Variants in CSMD2 observed in about 807,000 individuals in gnomAD.
CSMD2 encodes CUB and sushi domain-containing protein 2.
CSMD2 carries 130 observed loss-of-function variants against 398.5 expected under a neutral mutation model. The observed-to-expected ratio is 0.33, with a 90% confidence interval of 0.28 to 0.38. The LOEUF (loss-of-function observed/expected upper bound fraction) is 0.38. CSMD2 is among the 10% of genes least tolerant of loss of function. The pLI is 1.00. For synonymous variants in CSMD2, 1,828 were observed against 1,908.5 expected (o/e 0.96, Z 1.10); for missense variants, 3,829 against 4,764.9 (o/e 0.80, Z 5.78).
chr1:34,062,432 T>C (rs1417487230), intron 2 of CSMD2, among the ~76,000 whole-genome samples: 2 of 152,200 alleles, frequency 1.3e-5, no homozygotes, highest in Non-Finnish European at 2.9e-5. Context: ...TGTGGATGCC[T>C]TAAAACAGAC....
intron 1 of CSMD2, among the ~76,000 whole-genome samples, chr1:34,150,012 C>T (rs1270701089): frequency 6.6e-6 from 1 of 152,076 alleles, no homozygotes; most frequent in Non-Finnish European, 1.5e-5. Context: ...GATCCCTGCA[C>T]CCTGCTCTCA....
At chr1:33,919,545 T>TG (rs1438797485) in intron 4 of CSMD2, among the ~76,000 whole-genome samples, 1 of 152,224 alleles carries the variant, frequency 6.6e-6, no homozygotes, top group African/African-American at 2.4e-5. Context: ...AAATGTAAGA[T>TG]ATACACCTAC....
intron 19 of CSMD2, among the ~76,000 whole-genome samples, chr1:33,717,202 G>A (rs1646202050): frequency 1.3e-5 from 2 of 152,056 alleles, no homozygotes; most frequent in Non-Finnish European, 2.9e-5. Flanking sequence ...GGTAGACGGG[G>A]GCCAGACCCA....
At chr1:33,517,506 A>T (rs1653872166) in intron 70 of CSMD2, among the ~76,000 whole-genome samples, 1 of 152,172 alleles carries the variant, frequency 6.6e-6, no homozygotes, top group South Asian at 2.1e-4. Flanking sequence ...TTCATCACTG[A>T]TCATCTCCAA....
chr1:33,860,149 A>G (rs1639383257), intron 5 of CSMD2, among the ~76,000 whole-genome samples: 1 of 152,130 alleles, frequency 6.6e-6, no homozygotes. Flanking sequence ...GATTTCCACC[A>G]GTGGCCCACT....
rs554471614 is a variant in CSMD2, at chr1:33,806,183, C to T, written c.1446+4560G>A. On this transcript the variant is annotated intron_variant, in intron 10 of 70. Coordinates refer to ENST00000373381, the MANE Select transcript of CSMD2 (RefSeq NM_001281956.2). Reference sequence around the variant, plus strand: ...AGTGTGAAGGTGAATTAGAAATGAGCCTATCTCCTTCTCACCTGTCACTAC... The same window carrying T: ...AGTGTGAAGGTGAATTAGAAATGAGTCTATCTCCTTCTCACCTGTCACTAC... Among the ~76,000 whole-genome samples the T allele has an allele frequency of 3.9e-5, 6 of 152,280 alleles. No homozygotes were observed. In the South Asian group the frequency reaches 1.2e-3, roughly 32 times the overall value.
intron 3 of CSMD2, among the ~76,000 whole-genome samples, chr1:33,971,349 A>C (rs1031402883): frequency 5.9e-5 from 9 of 152,202 alleles, no homozygotes; most frequent in Non-Finnish European, 1.0e-4. Flanking sequence ...ATGGAAATGC[A>C]TGCCCGCGAC....
At chr1:33,832,971 T>C (rs1000704981) in intron 6 of CSMD2, among the ~76,000 whole-genome samples, 5 of 151,544 alleles carry the variant, frequency 3.3e-5, no homozygotes, top group African/African-American at 1.2e-4. Flanking sequence ...AATCTCTGAA[T>C]AGACCAATAA....
At chr1:34,029,332 C>T (rs935237230) in intron 3 of CSMD2, among the ~76,000 whole-genome samples, 2 of 152,182 alleles carry the variant, frequency 1.3e-5, no homozygotes, top group South Asian at 2.1e-4. Context: ...CTCCACCCCA[C>T]AATGAGGCTC....
At chr1:33,522,664 C>T (rs972655251) in intron 67 of CSMD2, among the ~76,000 whole-genome samples, 3 of 152,184 alleles carry the variant, frequency 2.0e-5, no homozygotes, top group Non-Finnish European at 4.4e-5. Context: ...CATGACCTCT[C>T]GCTTCATTCT....
At chr1:33,586,343 C>G (rs1639078913) in intron 46 of CSMD2, among the ~76,000 whole-genome samples, 161 bp downstream of exon 46, 1 of 152,162 alleles carries the variant, frequency 6.6e-6, no homozygotes, top group Non-Finnish European at 1.5e-5. Flanking sequence ...TCACTCATTC[C>G]TCATGCACTT....
rs768312685 is a variant in CSMD2 at position 33,725,317 on chromosome 1, T to C, written c.2695+32A>G. 3 of 1,603,056 alleles carry C rather than the reference T, an allele frequency of 1.9e-6. No homozygotes were observed. The African/African-American group carries it at 4.0e-5, about 21-fold the overall frequency. On this transcript the variant is annotated intron_variant, in intron 17 of 70. Coordinates refer to ENST00000373381, the MANE Select transcript of CSMD2 (RefSeq NM_001281956.2). ...CTTTGACCCACCTGGGCTGACCTTGTCATCCCTTTTCCTGAGCCCACTGAG... is the reference window on the plus strand; with the variant it reads ...CTTTGACCCACCTGGGCTGACCTTGCCATCCCTTTTCCTGAGCCCACTGAG...
At chr1:34,066,079 A>G (rs7555623) in intron 2 of CSMD2, among the ~76,000 whole-genome samples, 6,939 of 152,154 alleles carry the variant, frequency 0.046, 401 homozygotes, top group African/African-American at 0.13. Flanking sequence ...TTCAGTTGCT[A>G]TTTGTAATAT....
chr1:33,726,289 G>T (rs185421729), intron 16 of CSMD2, among the ~76,000 whole-genome samples: 2 of 152,200 alleles, frequency 1.3e-5, no homozygotes, highest in South Asian at 2.1e-4. Flanking sequence ...GGCTGGGGAG[G>T]GGGGAGCTCT....
At chr1:33,756,355 T>C (rs1295387148) in intron 13 of CSMD2, among the ~76,000 whole-genome samples, 1 of 152,126 alleles carries the variant, frequency 6.6e-6, no homozygotes, top group Non-Finnish European at 1.5e-5. Flanking sequence ...ATTCTAGGTA[T>C]GGGATCAGCA....
In CSMD2 at chr1:33,768,871, A is replaced by G. The variant is rs560018316; in HGVS notation, c.1846+3698T>C. ...AAGTTCCTGCCTTCACATTTCACAC[A>G]TATACTATACACATTAAGAACTGAG... On this transcript the variant is annotated intron_variant, in intron 13 of 70. Coordinates refer to ENST00000373381, the MANE Select transcript of CSMD2 (RefSeq NM_001281956.2). Among the ~76,000 whole-genome samples the G allele has an allele frequency of 3.9e-5, 6 of 152,328 alleles. No homozygotes were observed. In the South Asian group the frequency reaches 1.2e-3, roughly 32 times the overall value.
Position 33,623,396 on chromosome 1 carries a change from G to T in CSMD2, c.5696C>A (p.Thr1899Asn). 2 of 1,614,162 alleles carry T rather than the reference G, an allele frequency of 1.2e-6. No homozygotes were observed. The highest frequency in any genetic ancestry group is 1.7e-6 in the Non-Finnish European group (2 of 1,180,010). ...SLEVFDGADN[T>N]VTMLGSFSGT... ...TGAGAAACTCCCCAGCATGGTTACA[G>T]TGTTATCTGCACCATCAAATACTTC... Residue 1899 changes from threonine (T) to asparagine (N), a missense_variant, in exon 36 of 71, where the codon ACT (threonine) becomes AAT (asparagine). Physicochemically the swap from Thr to Asn is moderately conservative, Grantham distance 65. Coordinates refer to ENST00000373381, the MANE Select transcript of CSMD2 (RefSeq NM_001281956.2).
intron 2 of CSMD2, among the ~76,000 whole-genome samples, chr1:34,046,786 T>C (rs1358981948): frequency 2.0e-5 from 3 of 152,324 alleles, no homozygotes; most frequent in Admixed American, 6.5e-5. Flanking sequence ...TGTACTATGC[T>C]TGGTTCTCAG....
In CSMD2 at chr1:33,514,646, A is replaced by C. The variant is rs1653611888; in HGVS notation, c.*1978T>G. The C allele has an allele frequency of 6.6e-6, 1 of 151,886 alleles. No homozygotes were observed. The allele number at this position is 151,886 out of a possible 1,614,324, so 9.4% of individuals were successfully genotyped here. On this transcript the variant is annotated 3_prime_UTR_variant, in exon 71 of 71. Coordinates refer to ENST00000373381, the MANE Select transcript of CSMD2 (RefSeq NM_001281956.2). ...TAAGAAGGGGGAAGGGAGCAGTCGA[A>C]GGAGAGGAGTGTAAGGGGGAAGGGA...
Sources: gnomAD v4.1 joint callset for allele counts (sites outside exome capture counted in the v4.1 genomes callset) on GRCh38, gnomAD v4.1.1 for gene constraint, MANE v1.5 for transcripts, NCBI Gene and HGNC (gene_info 2026-07-23, HGNC 2026-07-21) for gene names.